Variants in PKIB observed in about 807,000 individuals in gnomAD.
The protein encoded by PKIB is cAMP-dependent protein kinase inhibitor beta.
Under a neutral mutation model 4.5 loss-of-function variants are expected in PKIB, and 2 were observed. The observed-to-expected ratio is 0.44, with a 90% CI of 0.18 to 1.39. The LOEUF is 1.39. Among genes scored for constraint, PKIB ranks in the 40% most tolerant of loss-of-function variants. The probability of loss-of-function intolerance (pLI) is 0.27; values close to 1 mark genes in which losing one functional copy is unlikely to be tolerated. For synonymous variants in PKIB, 38 were observed against 36.0 expected (o/e 1.06, Z -0.20); for missense variants, 94 against 92.6 (o/e 1.02, Z -0.06).
chr6:122,581,266 TA>T (rs1773694527), intron 2 of PKIB, among the ~76,000 whole-genome samples: 1 of 152,202 alleles, frequency 6.6e-6, no homozygotes, highest in African/African-American at 2.4e-5. Flanking sequence ...TATTGCAATG[TA>T]AGATTTCCTG....
chr6:122,584,145 C>A (rs560956279), intron 2 of PKIB, among the ~76,000 whole-genome samples: 18 of 152,110 alleles, frequency 1.2e-4, no homozygotes, highest in African/African-American at 4.1e-4. Context: ...TTAAAACATG[C>A]ACAGTCTAAT....
chr6:122,478,768 C>T (rs925148376), intron 2 of PKIB: 2 of 152,040 alleles, frequency 1.3e-5, no homozygotes, highest in African/African-American at 4.8e-5. Flanking sequence ...TAGAGACATG[C>T]TTAAAATCTG....
At chr6:122,519,944 C>T (rs902497872) in intron 2 of PKIB, among the ~76,000 whole-genome samples, 3 of 152,190 alleles carry the variant, frequency 2.0e-5, no homozygotes, top group Non-Finnish European at 2.9e-5. Context: ...TTTCACTGAA[C>T]TGTTGGCATT....
At chr6:122,576,975 C>G (rs1230264840) in intron 2 of PKIB, among the ~76,000 whole-genome samples, 1 of 151,980 alleles carries the variant, frequency 6.6e-6, no homozygotes, top group Non-Finnish European at 1.5e-5. Context: ...CTATCTCTAG[C>G]ATTCATACAT....
chr6:122,620,956 C>A lies in PKIB; in HGVS notation c.-161+10421C>A, dbSNP rs9482261. 5.4e-3 allele frequency among the ~76,000 whole-genome samples: 826 copies of A among 152,142 alleles called. 13 individuals carry two copies. Among genetic ancestry groups the A allele is most frequent in the African/African-American group, 0.019 (784 of 41,450 alleles). ...TTCCCTGAGACCAGATCCAGACCAC[C>A]TTTTGATGATTTACTTACCTGACCA... On this transcript the variant is annotated intron_variant, in intron 1 of 4. Transcript: ENST00000368452.
chr6:122,693,404 T>G (rs1474718799), intron 3 of PKIB, among the ~76,000 whole-genome samples: 1 of 152,268 alleles, frequency 6.6e-6, no homozygotes, highest in African/African-American at 2.4e-5. Context: ...TTTCTTCAGC[T>G]ATTTGAATTA....
intron 2 of PKIB, among the ~76,000 whole-genome samples, chr6:122,563,112 A>G (rs1773080493): frequency 6.6e-6 from 1 of 151,964 alleles, no homozygotes; most frequent in Non-Finnish European, 1.5e-5. Flanking sequence ...GGGAAGGTCT[A>G]GGGCTGAAGG....
At chr6:122,693,959 T>A (rs2115007534) in intron 3 of PKIB, among the ~76,000 whole-genome samples, 1 of 152,332 alleles carries the variant, frequency 6.6e-6, no homozygotes. Flanking sequence ...TTTTGAGATT[T>A]AAATTTTTAA....
chr6:122,488,706 AGAG>A, intron 2 of PKIB, among the ~76,000 whole-genome samples: 1 of 152,218 alleles, frequency 6.6e-6, no homozygotes, highest in East Asian at 1.9e-4. Flanking sequence ...GTTCTACGTT[AGAG>A]AAGAATGATA....
chr6:122,683,292 A>C (rs943914086), intron 3 of PKIB, among the ~76,000 whole-genome samples: 1 of 152,176 alleles, frequency 6.6e-6, no homozygotes, highest in Non-Finnish European at 1.5e-5. Flanking sequence ...AAGAGGCCTC[A>C]GGAATCTTCC....
chr6:122,685,372 GT>G (rs1202904944), intron 3 of PKIB, among the ~76,000 whole-genome samples: 1 of 152,124 alleles, frequency 6.6e-6, no homozygotes, highest in African/African-American at 2.4e-5. Flanking sequence ...GTTCAAATGA[GT>G]TTACATCATG....
At chr6:122,622,534 G>A (rs1775280002) in intron 1 of PKIB, among the ~76,000 whole-genome samples, 2 of 152,160 alleles carry the variant, frequency 1.3e-5, no homozygotes, top group South Asian at 4.1e-4. Flanking sequence ...TAGGGCCCCT[G>A]ACCCCTTGTT....
chr6:122,655,652 T>G (rs1776747583), intron 2 of PKIB, among the ~76,000 whole-genome samples: 1 of 152,164 alleles, frequency 6.6e-6, no homozygotes, highest in South Asian at 2.1e-4. Flanking sequence ...GAGGTAACAG[T>G]CTAGTAGAGA....
chr6:122,685,746 T>A (rs1236250007), intron 3 of PKIB, among the ~76,000 whole-genome samples: 1 of 152,134 alleles, frequency 6.6e-6, no homozygotes, highest in Non-Finnish European at 1.5e-5. Context: ...CTAGGTCTTA[T>A]TCTTTCTATA....
At chr6:122,655,171 A>G (rs1046242125) in intron 2 of PKIB, among the ~76,000 whole-genome samples, 1 of 152,190 alleles carries the variant, frequency 6.6e-6, no homozygotes, top group African/African-American at 2.4e-5. Flanking sequence ...TAGTCTGCTT[A>G]TCATTATAAA....
chr6:122,624,767 T>C (rs968301027), intron 1 of PKIB, among the ~76,000 whole-genome samples: 2 of 152,202 alleles, frequency 1.3e-5, no homozygotes, highest in African/African-American at 4.8e-5. Context: ...TTATTAGCTG[T>C]GTGATCTTAG....
intron 3 of PKIB, among the ~76,000 whole-genome samples, chr6:122,594,704 T>C (rs915023439): frequency 3.9e-5 from 6 of 152,206 alleles, no homozygotes; most frequent in Non-Finnish European, 1.5e-5. Flanking sequence ...GTTTTTTTCC[T>C]GATGGAGAGA....
intron 2 of PKIB, among the ~76,000 whole-genome samples, chr6:122,527,855 A>G (rs975639702): frequency 7.9e-5 from 12 of 152,192 alleles, no homozygotes; most frequent in Non-Finnish European, 1.8e-4. Flanking sequence ...GAAACACAAT[A>G]TTTGTGAAGC....
intron 3 of PKIB, among the ~76,000 whole-genome samples, chr6:122,702,077 T>C (rs899400917): frequency 4.6e-5 from 7 of 152,114 alleles, no homozygotes; most frequent in Non-Finnish European, 1.0e-4. Flanking sequence ...TAAGGAGACT[T>C]GCCAGTCTTG....
Sources: allele counts gnomAD v4.1 joint callset (sites outside exome capture counted in the v4.1 genomes callset), GRCh38; gene constraint gnomAD v4.1.1; transcripts MANE v1.5; gene names NCBI Gene and HGNC (gene_info 2026-07-23, HGNC 2026-07-21).